The following DNAJC10 variants were observed in gnomAD, a reference collection of about 807,000 sequenced individuals.
The protein encoded by DNAJC10 is DnaJ heat shock protein family (Hsp40) member C10.
A neutral mutation model predicts 115.0 loss-of-function variants in DNAJC10; 101 were observed. That is an observed-to-expected ratio of 0.88 (90% CI 0.75 to 1.04). The LOEUF (loss-of-function observed/expected upper bound fraction) is 1.04. Ranked by LOEUF, DNAJC10 falls within the 50% of genes least tolerant of loss-of-function variation. The pLI is 0.00. For missense variants in DNAJC10, 981 were observed against 928.8 expected (o/e 1.06, Z -0.73); for synonymous variants, 307 against 301.5 (o/e 1.02, Z -0.19).
rs1016474858 is a variant in DNAJC10 at position 182,785,648 on chromosome 2, GAC to G, written c.*8518_*8519del. The G allele has an allele frequency of 7.2e-5, 11 of 152,042 alleles. No individual in the cohort carries two copies. The highest frequency in any genetic ancestry group is 2.7e-4 in the African/African-American group (11 of 41,384). 9.4% of individuals were successfully genotyped at this position (152,042 alleles called of 1,614,324 possible). A position where few individuals can be genotyped will look rare whatever the true frequency, so the allele number is the denominator to read the frequency against. ...ATGGTATGATTTCTTTAATGAAAAA[GAC>G]AGAGAAAGGTATCGTATAGCTTAAA... is the stretch of plus-strand genomic sequence containing the variant. On this transcript the variant is annotated 3_prime_UTR_variant, in exon 24 of 24. Transcript: ENST00000264065.
chr2:182,744,361 G>A (rs909529205), intron 14 of DNAJC10, among the ~76,000 whole-genome samples: 2 of 152,160 alleles, frequency 1.3e-5, no homozygotes, highest in African/African-American at 4.8e-5. Context: ...AAATTTGTAA[G>A]ACATGAACTC....
At chr2:182,766,647 C>T (rs1374082623) in intron 22 of DNAJC10, among the ~76,000 whole-genome samples, 3 of 152,000 alleles carry the variant, frequency 2.0e-5, no homozygotes, top group Non-Finnish European at 2.9e-5. Flanking sequence ...AAGACACGGC[C>T]AGAAAGGCTG....
At position 182,740,392 on chromosome 2, in the gene DNAJC10, A is replaced by G; in HGVS notation, c.1077+4A>G. The G allele has an allele frequency of 6.4e-7, 1 of 1,558,514 alleles. No individual in the cohort carries two copies. On this transcript the variant is annotated splice_donor_region_variant and intron_variant, in intron 12 of 23. Coordinates refer to ENST00000264065, the MANE Select transcript of DNAJC10 (RefSeq NM_018981.4). ...ACTTTCGGCAAACACACTAGAGGTA[A>G]TGTTTTTATTAATAATGATAAGTAG...
Position 182,759,552 on chromosome 2 carries a change from G to A in DNAJC10, c.2145+245G>A, listed in dbSNP as rs562822518. The stretch of plus-strand genomic sequence containing the variant: ...TCTACTAGCCATAAAAGCCAGAAAC[G>A]TCTCTTTCTTCTCCCTCTTGTCTAC... On this transcript the variant is annotated intron_variant, in intron 21 of 23. Coordinates refer to ENST00000264065, the MANE Select transcript of DNAJC10 (RefSeq NM_018981.4). 3.3e-5 allele frequency among the ~76,000 whole-genome samples: 5 copies of A among 152,008 alleles called. No homozygotes were observed. The East Asian group carries it at 5.8e-4, about 18-fold the overall frequency.
chr2:182,720,259 G>T (rs1374707249), intron 4 of DNAJC10, 90 bp downstream of exon 4: 21 of 1,082,060 alleles, frequency 1.9e-5, no homozygotes, highest in Admixed American at 6.9e-5. Context: ...ATATATTTAA[G>T]ATGCGTCACT....
intron 3 of DNAJC10, among the ~76,000 whole-genome samples, chr2:182,719,577 A>G (rs1360295794): frequency 6.6e-6 from 1 of 151,922 alleles, no homozygotes; most frequent in African/African-American, 2.4e-5. Context: ...TAGCTGATAG[A>G]TTGGGGCACA....
At chr2:182,736,464 AGT>A (rs1224172321) in intron 11 of DNAJC10, 78 bp downstream of exon 11, 9 of 1,068,454 alleles carry the variant, frequency 8.4e-6, no homozygotes, top group African/African-American at 3.3e-5. Context: ...TTTTGTAAGC[AGT>A]GAGCAAAGAA....
intron 5 of DNAJC10, among the ~76,000 whole-genome samples, chr2:182,722,733 G>T (rs967495089): frequency 6.6e-6 from 1 of 152,056 alleles, no homozygotes; most frequent in African/African-American, 2.4e-5. Context: ...TTGAGATCAG[G>T]AGTTAGAAAC....
rs1574945803 is a variant in DNAJC10, at chr2:182,755,130, C to G, written c.1653+26C>G. 2.1e-6 allele frequency: 3 copies of G among 1,410,930 alleles called. No homozygotes were observed. In the East Asian group the frequency reaches 6.9e-5, roughly 32 times the overall value. The allele number at this position is 1,410,930 out of a possible 1,614,324, so 87.4% of individuals were successfully genotyped here. A position where few individuals can be genotyped will look rare whatever the true frequency, so the allele number is the denominator to read the frequency against. On this transcript the variant is annotated intron_variant, in intron 17 of 23. Coordinates refer to ENST00000264065, the MANE Select transcript of DNAJC10 (RefSeq NM_018981.4). ...GTATTTCAGATTATAGACTATGTGA[C>G]TAGAAATTTGTCTGTTTCTATGTAA...
intron 21 of DNAJC10, 114 bp downstream of exon 21, chr2:182,759,421 T>TAA: frequency 1.0e-6 from 1 of 954,476 alleles, no homozygotes. Context: ...CCTCTGAATT[T>TAA]AAAAATAGCT....
intron 9 of DNAJC10, among the ~76,000 whole-genome samples, chr2:182,731,750 A>T (rs193091301): frequency 2.3e-4 from 35 of 152,320 alleles, no homozygotes; most frequent in African/African-American, 8.4e-4. Flanking sequence ...ATGCTGCTAT[A>T]TTGAAAAGGT....
chr2:182,756,739 C>T (rs1356630966), intron 18 of DNAJC10, among the ~76,000 whole-genome samples: 4 of 151,814 alleles, frequency 2.6e-5, no homozygotes, highest in African/African-American at 7.3e-5. Context: ...GGCGCAATCT[C>T]GGCTCACCGC....
chr2:182,742,258 C>T (rs1481308494), intron 13 of DNAJC10, among the ~76,000 whole-genome samples: 1 of 152,190 alleles, frequency 6.6e-6, no homozygotes, highest in Non-Finnish European at 1.5e-5. Flanking sequence ...GCTCTTGACT[C>T]ACTGCAACCT....
At chr2:182,740,115 A>G (rs1693694157) in intron 11 of DNAJC10, 184 bp from the exon 12 acceptor site, 1 of 1,125,770 alleles carries the variant, frequency 8.9e-7, no homozygotes. Context: ...TTAGTTATAT[A>G]ATATTTTTGA....
chr2:182,773,840 C>G (rs1200133623), intron 22 of DNAJC10, among the ~76,000 whole-genome samples: 1 of 152,236 alleles, frequency 6.6e-6, no homozygotes, highest in African/African-American at 2.4e-5. Context: ...GTCAACTCAT[C>G]AAAGTCATTC....
At chr2:182,724,720 G>A (rs1211543001) in intron 5 of DNAJC10, among the ~76,000 whole-genome samples, 1 of 152,164 alleles carries the variant, frequency 6.6e-6, no homozygotes, top group African/African-American at 2.4e-5. Flanking sequence ...AGCTGTAGTT[G>A]TATAGTTTAG....
chr2:182,764,875 G>A (rs544195680), intron 22 of DNAJC10, among the ~76,000 whole-genome samples: 32 of 152,092 alleles, frequency 2.1e-4, no homozygotes, highest in Non-Finnish European at 4.7e-4. Flanking sequence ...CCCATACTCT[G>A]ACCAGATGAT....
Position 182,786,630 on chromosome 2 carries a change from G to A in DNAJC10, c.*9498G>A, listed in dbSNP as rs369925. 1 of 152,254 alleles carries A rather than the reference G, an allele frequency of 6.6e-6. No homozygotes were observed. Among genetic ancestry groups the A allele is most frequent in the Non-Finnish European group, 1.5e-5 (1 of 68,100 alleles). The allele number at this position is 152,254 out of a possible 1,614,324, so 9.4% of individuals were successfully genotyped here. A position where few individuals can be genotyped will look rare whatever the true frequency, so the allele number is the denominator to read the frequency against. ...AACCAGCAGCACCTAGCTTTTGCCA[G>A]CTACGCAGCTTTGAATAGCCTTCCA... On this transcript the variant is annotated 3_prime_UTR_variant, in exon 24 of 24. Coordinates refer to ENST00000264065, the MANE Select transcript of DNAJC10 (RefSeq NM_018981.4).
chr2:182,792,948 G>A lies in DNAJC10; in HGVS notation c.*15816G>A, dbSNP rs561981059. On this transcript the variant is annotated 3_prime_UTR_variant, in exon 24 of 24. Transcript: ENST00000264065. ...TAAGCAAATGTTAAGTATGTTAGAA[G>A]TATGTTAGAAGATGTGCTGTGAAAT... 1 of 152,224 alleles carries A rather than the reference G, an allele frequency of 6.6e-6. No homozygotes were observed. Among genetic ancestry groups the A allele is most frequent in the South Asian group, 2.1e-4 (1 of 4,830 alleles). 9.4% of individuals were successfully genotyped at this position (152,224 alleles called of 1,614,324 possible).
Sources: gnomAD v4.1 joint callset for allele counts (sites outside exome capture counted in the v4.1 genomes callset) on GRCh38, gnomAD v4.1.1 for gene constraint, MANE v1.5 for transcripts, NCBI Gene and HGNC (gene_info 2026-07-23, HGNC 2026-07-21) for gene names.